The following GPM6A variants were observed in gnomAD, a reference collection of about 807,000 sequenced individuals.
The protein encoded by GPM6A is neuronal membrane glycoprotein M6-a.
In GPM6A, 7 loss-of-function variants were observed where a neutral mutation model predicts 32.1. The ratio of observed to expected loss-of-function variants is 0.22; its 90% CI spans 0.12 to 0.41. The LOEUF (loss-of-function observed/expected upper bound fraction) is 0.41, where lower values mean the gene tolerates loss of function less well. GPM6A is among the 10% of genes least tolerant of loss of function. The pLI, the probability that GPM6A is intolerant of heterozygous loss-of-function variation, is 1.00. For synonymous variants in GPM6A, 130 were observed against 123.4 expected (o/e 1.05, Z -0.35); for missense variants, 235 against 347.2 (o/e 0.68, Z 2.57).
At chr4:175,903,834 G>A (rs1341576392) in intron 1 of GPM6A, among the ~76,000 whole-genome samples, 1 of 152,086 alleles carries the variant, frequency 6.6e-6, no homozygotes, top group Non-Finnish European at 1.5e-5. Context: ...GAGTGAGTGA[G>A]GAACCAAGGA....
chr4:175,995,683 C>T (rs1237526403), intron 1 of GPM6A, among the ~76,000 whole-genome samples: 1 of 152,044 alleles, frequency 6.6e-6, no homozygotes, highest in Non-Finnish European at 1.5e-5. Context: ...TTAATATATG[C>T]TTTAAGGTAT....
chr4:175,908,963 A>T (rs1347288391), intron 1 of GPM6A, among the ~76,000 whole-genome samples: 1 of 138,952 alleles, frequency 7.2e-6, no homozygotes, highest in Non-Finnish European at 1.5e-5. Context: ...CTGTTTTCCC[A>T]TCGCTCTTGA....
chr4:175,721,150 T>TAC (rs1746111174), intron 1 of GPM6A, among the ~76,000 whole-genome samples: 1 of 144,190 alleles, frequency 6.9e-6, no homozygotes, highest in Admixed American at 7.1e-5. Flanking sequence ...TATATTCTAA[T>TAC]ATATATATAT....
intron 6 of GPM6A, among the ~76,000 whole-genome samples, chr4:175,637,362 A>G (rs1476268652): frequency 1.3e-4 from 10 of 74,962 alleles, no homozygotes; most frequent in African/African-American, 6.3e-4. Flanking sequence ...TATATAATAT[A>G]TAACATATAA....
intron 2 of GPM6A, among the ~76,000 whole-genome samples, chr4:175,691,862 G>A (rs1744318453): frequency 1.3e-5 from 2 of 152,156 alleles, no homozygotes; most frequent in Non-Finnish European, 2.9e-5. Context: ...AAAGAGAGAG[G>A]CGAGAGAGAC....
chr4:175,948,156 T>A (rs966312172), intron 1 of GPM6A, among the ~76,000 whole-genome samples: 1 of 152,214 alleles, frequency 6.6e-6, no homozygotes, highest in African/African-American at 2.4e-5. Context: ...TGTGATTTTT[T>A]GCTCCAATAT....
chr4:175,691,642 C>T (rs1379485885), intron 2 of GPM6A, among the ~76,000 whole-genome samples: 2 of 152,088 alleles, frequency 1.3e-5, no homozygotes, highest in Non-Finnish European at 2.9e-5. Flanking sequence ...ATATCATGAT[C>T]GATTTTACCA....
intron 1 of GPM6A, among the ~76,000 whole-genome samples, chr4:175,954,108 G>A (rs1489772647): frequency 6.6e-6 from 1 of 152,186 alleles, no homozygotes; most frequent in South Asian, 2.1e-4. Flanking sequence ...CTAGAGGGCA[G>A]TATAGTCTAG....
intron 1 of GPM6A, among the ~76,000 whole-genome samples, chr4:175,909,504 A>G (rs1021253175): frequency 2.0e-5 from 3 of 152,184 alleles, no homozygotes; most frequent in Admixed American, 2.0e-4. Context: ...AACTATGAAC[A>G]TGGAACTGAC....
At chr4:175,931,681 C>CAA (rs1251546265) in intron 1 of GPM6A, among the ~76,000 whole-genome samples, 1,555 of 140,502 alleles carry the variant, frequency 0.011, 22 homozygotes, top group African/African-American at 0.027. Flanking sequence ...TACACACACA[C>CAA]ACACACACAC....
chr4:175,668,860 G>A (rs535279300), intron 3 of GPM6A, among the ~76,000 whole-genome samples: 5 of 152,226 alleles, frequency 3.3e-5, no homozygotes, highest in South Asian at 2.1e-4. Flanking sequence ...AAAGACCCTC[G>A]TAAACAGATA....
At chr4:175,679,292 A>G (rs569520935) in intron 2 of GPM6A, among the ~76,000 whole-genome samples, 1 of 152,066 alleles carries the variant, frequency 6.6e-6, no homozygotes, top group African/African-American at 2.4e-5. Context: ...TCATGGTTAG[A>G]TACGGGTTAC....
At chr4:175,971,287 AT>A (rs1413202306) in intron 1 of GPM6A, among the ~76,000 whole-genome samples, 3 of 150,506 alleles carry the variant, frequency 2.0e-5, no homozygotes, top group Non-Finnish European at 4.4e-5. Context: ...AAAAAAAAAA[AT>A]TCTGAAAAGG....
Position 175,715,180 on chromosome 4 carries a change from C to A in GPM6A, c.38-13413G>T, listed in dbSNP as rs111652775. Among the ~76,000 whole-genome samples the A allele has an allele frequency of 4.6e-3, 697 of 152,254 alleles. 4 individuals are homozygous for A. Among genetic ancestry groups the A allele is most frequent in the Non-Finnish European group, 6.9e-3 (466 of 68,020 alleles). On this transcript the variant is annotated intron_variant, in intron 1 of 6. Transcript: ENST00000393658. ...ACATGATTTGCTCTCTCACAATCTTCAAAACTTTGCTCAAAATACTCATTC... is the reference window on the plus strand; with the variant it reads ...ACATGATTTGCTCTCTCACAATCTTAAAAACTTTGCTCAAAATACTCATTC...
chr4:175,766,812 G>A (rs932562704), intron 1 of GPM6A, among the ~76,000 whole-genome samples: 9 of 151,884 alleles, frequency 5.9e-5, no homozygotes, highest in African/African-American at 2.2e-4. Context: ...CTGCCACCAT[G>A]CCCGGCTAAT....
chr4:175,658,117 C>T (rs985209135), intron 3 of GPM6A, among the ~76,000 whole-genome samples: 2 of 152,102 alleles, frequency 1.3e-5, no homozygotes, highest in Admixed American at 6.5e-5. Flanking sequence ...TGATTTGTTA[C>T]GCTTATAACA....
At chr4:175,636,782 T>G (rs1740642517) in intron 6 of GPM6A, among the ~76,000 whole-genome samples, 1 of 148,510 alleles carries the variant, frequency 6.7e-6, no homozygotes, top group South Asian at 2.1e-4. Context: ...GGCAACAGAG[T>G]AGACTCTGTC....
intron 1 of GPM6A, chr4:175,947,539 T>C (rs1394099870): frequency 1.3e-5 from 2 of 152,116 alleles, no homozygotes; most frequent in African/African-American, 4.8e-5. Flanking sequence ...AGATAAAATA[T>C]TATAAAAGCA....
Position 175,731,543 on chromosome 4 carries a change from C to T in GPM6A, c.38-29776G>A, listed in dbSNP as rs1381635748. 7.2e-5 allele frequency among the ~76,000 whole-genome samples: 11 copies of T among 152,148 alleles called. No homozygotes were observed. The East Asian group carries it at 2.1e-3, about 29-fold the overall frequency. On this transcript the variant is annotated intron_variant, in intron 1 of 6. Transcript: ENST00000393658. The stretch of plus-strand genomic sequence containing the variant: ...TCAGTGTCCTCTACACAGTGCCCAG[C>T]ACAATATCTGGCACAGGCCAGGCTC...
Sources: gnomAD v4.1 joint callset for allele counts (sites outside exome capture counted in the v4.1 genomes callset) on GRCh38, gnomAD v4.1.1 for gene constraint, MANE v1.5 for transcripts, NCBI Gene and HGNC (gene_info 2026-07-23, HGNC 2026-07-21) for gene names.